The following JAKMIP1 variants were observed in gnomAD, a reference collection of about 807,000 sequenced individuals.
The protein encoded by JAKMIP1 is janus kinase and microtubule interacting protein 1, also known as janus kinase and microtubule-interacting protein 1.
JAKMIP1 carries 33 observed loss-of-function variants against 113.0 expected under a neutral mutation model. That is an observed-to-expected ratio of 0.29 (90% CI 0.22 to 0.39). JAKMIP1 has a LOEUF of 0.39. Among genes scored for constraint, JAKMIP1 ranks in the 10% least tolerant of loss-of-function variants. JAKMIP1 has a pLI of 1.00. For missense variants in JAKMIP1, 813 were observed against 1,080.5 expected (o/e 0.75, Z 3.47); for synonymous variants, 480 against 459.9 (o/e 1.04, Z -0.56).
intron 1 of JAKMIP1, among the ~76,000 whole-genome samples, chr4:6,170,362 CACCTCT>C (rs1724326918): frequency 2.0e-5 from 3 of 151,194 alleles, no homozygotes; most frequent in South Asian, 2.1e-4. Flanking sequence ...CCACCACCAC[CACCTCT>C]ATCACCACCA....
At chr4:6,098,734 GAGAA>G (rs1712475112) in intron 3 of JAKMIP1, among the ~76,000 whole-genome samples, 8 of 7,418 alleles carry the variant, frequency 1.1e-3, no homozygotes, top group African/African-American at 2.5e-3. Context: ...AAGAAAGAAA[GAGAA>G]GGAAGGAAGG....
At chr4:6,075,073 A>G (rs1719506351) in intron 8 of JAKMIP1, among the ~76,000 whole-genome samples, 2 of 152,218 alleles carry the variant, frequency 1.3e-5, no homozygotes, top group Non-Finnish European at 1.5e-5. Flanking sequence ...TTAGTGAATA[A>G]TGAAAAGGAA....
intron 1 of JAKMIP1, among the ~76,000 whole-genome samples, chr4:6,198,339 G>C (rs915945995): frequency 4.6e-5 from 7 of 152,098 alleles, no homozygotes; most frequent in Non-Finnish European, 1.0e-4. Flanking sequence ...AAGCATGTGG[G>C]GGAAAAACCC....
At chr4:6,073,168 G>A (rs574890599) in intron 8 of JAKMIP1, among the ~76,000 whole-genome samples, 4 of 152,080 alleles carry the variant, frequency 2.6e-5, no homozygotes, top group African/African-American at 4.8e-5. Flanking sequence ...CCCTCCAGCA[G>A]GCAGCAGGCT....
rs1038603599 is a variant in JAKMIP1 at position 6,142,926 on chromosome 4, G to C, written c.-147-29929C>G. Among the ~76,000 whole-genome samples, 1 of 152,202 alleles carries C rather than the reference G, an allele frequency of 6.6e-6. No individual in the cohort carries two copies. Among genetic ancestry groups the C allele is most frequent in the Non-Finnish European group, 1.5e-5 (1 of 68,044 alleles). ...CAGCCTGGAGTCCTGAGGCCCCTCA[G>C]TCCAGCACTGTGTGTGTGTGTGTTT... On this transcript the variant is annotated intron_variant, in intron 1 of 20. Coordinates refer to ENST00000409021, the MANE Select transcript of JAKMIP1 (RefSeq NM_001099433.2). This position sits in a 1 kb window ranked among gnomAD's most constrained non-coding sequence, Gnocchi z 5.5.
At chr4:6,058,862 G>A (rs78431806) in intron 11 of JAKMIP1, among the ~76,000 whole-genome samples, 4,207 of 152,308 alleles carry the variant, frequency 0.028, 75 homozygotes, top group Non-Finnish European at 0.044. Context: ...TTACAGATAT[G>A]TGGGCTCAGC....
intron 1 of JAKMIP1, among the ~76,000 whole-genome samples, chr4:6,123,102 G>C (rs950515454): frequency 2.6e-5 from 4 of 152,214 alleles, no homozygotes; most frequent in African/African-American, 9.6e-5. Flanking sequence ...GGCTCTGTTA[G>C]TTTTTCTATT....
intron 8 of JAKMIP1, among the ~76,000 whole-genome samples, chr4:6,074,731 G>A (rs562500827): frequency 2.6e-5 from 4 of 152,324 alleles, no homozygotes; most frequent in Admixed American, 2.6e-4. Flanking sequence ...GTTATGTGCA[G>A]CATAACAGCA....
At position 6,199,729 on chromosome 4, in the gene JAKMIP1, C is replaced by G. The variant is rs1043520432; in HGVS notation, c.-148+524G>C. 6.6e-6 allele frequency among the ~76,000 whole-genome samples: 1 copy of G among 151,376 alleles called. No homozygotes were observed. Among genetic ancestry groups the G allele is most frequent in the Non-Finnish European group, 1.5e-5 (1 of 67,798 alleles). ...GGGCTGGGCGGCCTCGCCTTCGGGC[C>G]CCGCGCCGCCGGGGCGCGGCCCCCA... On this transcript the variant is annotated intron_variant, in intron 1 of 20. Coordinates refer to ENST00000409021, the MANE Select transcript of JAKMIP1 (RefSeq NM_001099433.2). This position sits in a 1 kb window ranked among gnomAD's most constrained non-coding sequence, Gnocchi z 5.6.
chr4:6,053,911 A>G (rs937918218), intron 13 of JAKMIP1, 139 bp downstream of exon 13: 42 of 1,534,434 alleles, frequency 2.7e-5, no homozygotes, highest in Non-Finnish European at 5.2e-6. Flanking sequence ...AAAAAAAAAG[A>G]AAGAAAGAAA....
chr4:6,194,953 G>A lies in JAKMIP1; in HGVS notation c.-148+5300C>T, dbSNP rs1442627459. 6.6e-6 allele frequency among the ~76,000 whole-genome samples: 1 copy of A among 152,134 alleles called. No individual in the cohort carries two copies. The highest frequency in any genetic ancestry group is 2.4e-5 in the African/African-American group (1 of 41,426). On this transcript the variant is annotated intron_variant, in intron 1 of 20. Coordinates refer to ENST00000409021, the MANE Select transcript of JAKMIP1 (RefSeq NM_001099433.2). The surrounding 1 kb of genome is among the most constrained non-coding windows in gnomAD (Gnocchi z 7.4). ...GGCTGACCTAACACAAGTGGGCGGT[G>A]GTGCCCAACAAAGGGACCCGCCACT... is the stretch of plus-strand genomic sequence containing the variant.
At chr4:6,056,663 C>G (rs753612735) in intron 12 of JAKMIP1, 34 bp downstream of exon 12, 74 of 1,578,346 alleles carry the variant, frequency 4.7e-5, no homozygotes, top group Non-Finnish European at 6.4e-5. Context: ...AACTGCCCTG[C>G]GGCTGTGTGC....
In JAKMIP1 at chr4:6,156,573, TG is replaced by T. The variant is rs1462817977; in HGVS notation, c.-147-43577del. ...GTTCGGCTTCAGCCCCCAGTCATCCTGGTGACCCAGGGCTTAGCTACTGAGA... is the reference window on the plus strand; with the variant it reads ...GTTCGGCTTCAGCCCCCAGTCATCCTGTGACCCAGGGCTTAGCTACTGAGA... On this transcript the variant is annotated intron_variant, in intron 1 of 20. Coordinates refer to ENST00000409021, the MANE Select transcript of JAKMIP1 (RefSeq NM_001099433.2). The surrounding 1 kb of genome is among the most constrained non-coding windows in gnomAD (Gnocchi z 5.0). 2.0e-5 allele frequency among the ~76,000 whole-genome samples: 3 copies of T among 152,260 alleles called. No individual in the cohort carries two copies. Among genetic ancestry groups the T allele is most frequent in the Non-Finnish European group, 4.4e-5 (3 of 68,044 alleles).
At chr4:6,068,558 CT>C (rs35726105) in intron 8 of JAKMIP1, among the ~76,000 whole-genome samples, 164 of 136,268 alleles carry the variant, frequency 1.2e-3, no homozygotes, top group African/African-American at 2.7e-3. Flanking sequence ...AATTTTTTAA[CT>C]TTTTTTTTTT....
intron 12 of JAKMIP1, among the ~76,000 whole-genome samples, chr4:6,054,382 C>T (rs1432296167): frequency 6.6e-6 from 1 of 152,224 alleles, no homozygotes; most frequent in Admixed American, 6.5e-5. Flanking sequence ...ACCCCTGCAC[C>T]TCCGAGCCTG....
intron 3 of JAKMIP1, among the ~76,000 whole-genome samples, chr4:6,098,709 A>C (rs1712423641): frequency 3.2e-5 from 1 of 31,322 alleles, no homozygotes; most frequent in Non-Finnish European, 7.6e-5. Context: ...AGAAAGAAAG[A>C]AAGAAAGAAA....
intron 1 of JAKMIP1, among the ~76,000 whole-genome samples, chr4:6,170,259 TCACCAC>T (rs764382555): frequency 8.3e-6 from 1 of 120,238 alleles, no homozygotes; most frequent in East Asian, 2.8e-4. Context: ...CCCACCCTTC[TCACCAC>T]CACCACCACC....
rs1188954766 is a variant in JAKMIP1, at chr4:6,138,587, A to G, written c.-147-25590T>C. On this transcript the variant is annotated intron_variant, in intron 1 of 20. Transcript: ENST00000409021. This position sits in a 1 kb window ranked among gnomAD's most constrained non-coding sequence, Gnocchi z 6.0. The stretch of plus-strand genomic sequence containing the variant: ...GGACACACAAAACCATTTTAAACAC[A>G]GAAGCAGAAAACCAAATATTTTGAC... 6.6e-6 allele frequency among the ~76,000 whole-genome samples: 1 copy of G among 152,144 alleles called. No homozygotes were observed. Among genetic ancestry groups the G allele is most frequent in the East Asian group, 1.9e-4 (1 of 5,184 alleles).
rs142333156 is a variant in JAKMIP1, at chr4:6,155,257, C to T, written c.-147-42260G>A. Among the ~76,000 whole-genome samples the T allele has an allele frequency of 1.5e-3, 223 of 152,268 alleles. No individual in the cohort carries two copies. Among genetic ancestry groups the T allele is most frequent in the African/African-American group, 5.2e-3 (218 of 41,542 alleles). The stretch of plus-strand genomic sequence containing the variant: ...CTCCTCCTAAGGAGGAAACAACATT[C>T]CCTCCTCTGCGCTCAACGCCTTTTA... On this transcript the variant is annotated intron_variant, in intron 1 of 20. Coordinates refer to ENST00000409021, the MANE Select transcript of JAKMIP1 (RefSeq NM_001099433.2). The surrounding 1 kb of genome is among the most constrained non-coding windows in gnomAD (Gnocchi z 6.1).
Sources: allele counts gnomAD v4.1 joint callset (sites outside exome capture counted in the v4.1 genomes callset), GRCh38; gene constraint gnomAD v4.1.1; non-coding constraint Gnocchi (gnomAD v3.1); transcripts MANE v1.5; gene names NCBI Gene and HGNC (gene_info 2026-07-23, HGNC 2026-07-21).